The following FSTL4 variants were observed in gnomAD, a reference collection of about 807,000 sequenced individuals.
FSTL4 encodes the protein follistatin like 4.
A neutral mutation model predicts 78.2 loss-of-function variants in FSTL4; 28 were observed. The observed-to-expected ratio is 0.36, with a 90% CI of 0.27 to 0.49. The LOEUF is 0.49. FSTL4 is among the 20% of genes least tolerant of loss of function. FSTL4 has a pLI of 0.98. For missense variants in FSTL4, 922 were observed against 1,084.9 expected (o/e 0.85, Z 2.11); for synonymous variants, 422 against 440.5 (o/e 0.96, Z 0.53).
intron 3 of FSTL4, among the ~76,000 whole-genome samples, chr5:133,484,630 T>C (rs1354508795): frequency 6.6e-6 from 1 of 152,196 alleles, no homozygotes; most frequent in Non-Finnish European, 1.5e-5. Flanking sequence ...CACTGCTGTA[T>C]CTGCACTTGG....
intron 3 of FSTL4, among the ~76,000 whole-genome samples, chr5:133,549,510 T>A (rs994983187): frequency 6.6e-6 from 1 of 152,228 alleles, no homozygotes. Context: ...CACAGTTTTT[T>A]AAATGTTAAT....
intron 6 of FSTL4, among the ~76,000 whole-genome samples, chr5:133,288,666 G>A (rs1753190252): frequency 6.6e-6 from 1 of 152,212 alleles, no homozygotes. Flanking sequence ...CTGGGACAGA[G>A]CCTGCCTAGG....
chr5:133,654,441 C>T, the FSTL4 span, among the ~76,000 whole-genome samples: 4 of 152,270 alleles, frequency 2.6e-5, no homozygotes, highest in Admixed American at 6.5e-5. Context: ...GTTCTTAACC[C>T]CCACATCAGA....
intron 3 of FSTL4, among the ~76,000 whole-genome samples, chr5:133,456,938 A>G (rs1757505437): frequency 6.6e-6 from 1 of 151,508 alleles, no homozygotes; most frequent in Non-Finnish European, 1.5e-5. Context: ...TGACTTTTTG[A>G]ATTTTTGCCC....
At position 133,239,786 on chromosome 5, in the gene FSTL4, G is replaced by A. The variant is rs570405324; in HGVS notation, c.895-6249C>T. ...TGGAGAAACTTTGTGTGGACACTCT[G>A]TATCTAGCTAATCTAGTGGGGACCG... is the stretch of plus-strand genomic sequence containing the variant. On this transcript the variant is annotated intron_variant, in intron 7 of 15. Coordinates refer to ENST00000265342, the MANE Select transcript of FSTL4 (RefSeq NM_015082.2). Among the ~76,000 whole-genome samples, 18 of 152,290 alleles carry A rather than the reference G, an allele frequency of 1.2e-4. No homozygotes were observed. The East Asian group carries it at 3.3e-3, about 28-fold the overall frequency.
the FSTL4 span, among the ~76,000 whole-genome samples, chr5:133,755,179 T>TGGC: frequency 6.6e-6 from 1 of 152,164 alleles, no homozygotes; most frequent in Non-Finnish European, 1.5e-5. Flanking sequence ...CATTTCTTTC[T>TGGC]AAGTTTCCAT....
chr5:133,750,189 C>T, the FSTL4 span, among the ~76,000 whole-genome samples: 2 of 152,170 alleles, frequency 1.3e-5, no homozygotes, highest in Non-Finnish European at 2.9e-5. Flanking sequence ...CTGGAAGGTG[C>T]AGGACCCAGA....
chr5:133,803,935 T>C, the FSTL4 span, among the ~76,000 whole-genome samples: 1 of 152,182 alleles, frequency 6.6e-6, no homozygotes, highest in Non-Finnish European at 1.5e-5. Flanking sequence ...AGGTGGAAGC[T>C]ATGAGCCAAT....
At chr5:133,292,647 T>G (rs1369780619) in intron 6 of FSTL4, among the ~76,000 whole-genome samples, 1 of 151,954 alleles carries the variant, frequency 6.6e-6, no homozygotes, top group African/African-American at 2.4e-5. Flanking sequence ...AAAAAAACCT[T>G]CATTTTCAGA....
Position 133,466,893 on chromosome 5 carries a change from TGA to T in FSTL4, c.161-65909_161-65908del, listed in dbSNP as rs1266973871. On this transcript the variant is annotated intron_variant, in intron 3 of 15. Coordinates refer to ENST00000265342, the MANE Select transcript of FSTL4 (RefSeq NM_015082.2). ...GAGTGTGAGTGTGTGTGTGTCAGTGTGAGTGTGTGTGTGTGTAAGTGTGAGAG... is the reference window on the plus strand; with the variant it reads ...GAGTGTGAGTGTGTGTGTGTCAGTGTGTGTGTGTGTGTGTAAGTGTGAGAG... Among the ~76,000 whole-genome samples, 6 of 152,062 alleles carry T rather than the reference TGA, an allele frequency of 3.9e-5. No homozygotes were observed. In the East Asian group the frequency reaches 1.2e-3, roughly 29 times the overall value.
At chr5:133,274,368 G>A (rs1489473441) in intron 6 of FSTL4, among the ~76,000 whole-genome samples, 1 of 24,500 alleles carries the variant, frequency 4.1e-5, no homozygotes, top group Non-Finnish European at 1.0e-4. Context: ...CTCAGAAAAA[G>A]GGCAATCTGT....
the FSTL4 span, among the ~76,000 whole-genome samples, chr5:133,750,482 T>C: frequency 7.2e-5 from 11 of 152,108 alleles, no homozygotes; most frequent in African/African-American, 2.7e-4. Context: ...CCCCAGGGTG[T>C]GGCCCCAAAA....
chr5:133,475,267 C>T (rs903197189), intron 3 of FSTL4, among the ~76,000 whole-genome samples: 10 of 152,186 alleles, frequency 6.6e-5, no homozygotes, highest in Admixed American at 3.9e-4. Context: ...GGGCACACAC[C>T]AAAATGTCAT....
At chr5:133,624,206 A>T in the FSTL4 span, among the ~76,000 whole-genome samples, 1 of 152,022 alleles carries the variant, frequency 6.6e-6, no homozygotes, top group African/African-American at 2.4e-5. Context: ...TCAAATGTTC[A>T]CCAATGGAAG....
intron 4 of FSTL4, among the ~76,000 whole-genome samples, chr5:133,341,013 G>A (rs1372110723): frequency 2.0e-5 from 3 of 151,946 alleles, no homozygotes; most frequent in South Asian, 2.1e-4. Context: ...GCCCAGGTGC[G>A]GGGTGCCTGA....
At chr5:133,384,264 A>T (rs1755647029) in intron 4 of FSTL4, among the ~76,000 whole-genome samples, 2 of 152,216 alleles carry the variant, frequency 1.3e-5, no homozygotes, top group Admixed American at 1.3e-4. Context: ...GGGTAGGAGA[A>T]TCACACTCTG....
rs1751556638 is a variant in FSTL4, at chr5:133,233,423, C to T, written c.1009G>A (p.Val337Met). The part of the protein sequence containing the change: ...EQLFQTHVLQ[V>M]NVPPVIRVYP... ...CATGGAGCCATTTACTAACCATTCA[C>T]CTGCAGGACGTGGGTCTGGAACAGC... Residue 337 changes from valine to methionine, a missense_variant, in exon 8 of 16, where the codon GTG becomes ATG. Transcript: ENST00000265342. 1 of 1,614,072 alleles carries T rather than the reference C, an allele frequency of 6.2e-7. No homozygotes were observed. The highest frequency in any genetic ancestry group is 8.5e-7 in the Non-Finnish European group (1 of 1,180,044).
intron 4 of FSTL4, among the ~76,000 whole-genome samples, chr5:133,375,945 C>T (rs1171926689): frequency 6.6e-6 from 1 of 152,184 alleles, no homozygotes; most frequent in African/African-American, 2.4e-5. Flanking sequence ...GAGAGATATA[C>T]TATGTTTACG....
intron 3 of FSTL4, among the ~76,000 whole-genome samples, chr5:133,437,495 T>G (rs1055856782): frequency 1.4e-5 from 2 of 145,600 alleles, no homozygotes; most frequent in African/African-American, 2.6e-5. Context: ...GTTTTTTTTT[T>G]TTTTTTTTTT....
Sources: gnomAD v4.1 joint callset for allele counts (sites outside exome capture counted in the v4.1 genomes callset) on GRCh38, gnomAD v4.1.1 for gene constraint, MANE v1.5 for transcripts, NCBI Gene and HGNC (gene_info 2026-07-23, HGNC 2026-07-21) for gene names.